SPTA1: variants seen among roughly 807,000 people sequenced by gnomAD.
SPTA1 encodes spectrin alpha, erythrocytic 1.
In SPTA1, 177 loss-of-function variants were observed where a neutral mutation model predicts 324.7. The ratio of observed to expected loss-of-function variants is 0.55; its 90% CI spans 0.48 to 0.62. The LOEUF is 0.62. Ranked by LOEUF, SPTA1 falls within the 20% of genes least tolerant of loss-of-function variation. The pLI is 0.00. For missense variants in SPTA1, 3,162 were observed against 2,883.6 expected, an observed-to-expected ratio of 1.10 and a Z score of -2.21; for synonymous variants, 1,195 against 1,041.3, an observed-to-expected ratio of 1.15 and a Z score of -2.84.
intron 8 of SPTA1, among the ~76,000 whole-genome samples, 188 bp from the exon 9 acceptor site, chr1:158,674,863 A>G (rs980977229): frequency 2.5e-4 from 38 of 151,958 alleles, no homozygotes; most frequent in African/African-American, 8.7e-4. Flanking sequence ...TAAGTCCTTC[A>G]CCCCAGGTTT....
In SPTA1 at chr1:158,666,483, C is replaced by T. The variant is rs1653612721; in HGVS notation, c.2053G>A (p.Glu685Lys). The part of the protein sequence containing the change: ...ATKQKGTQLH[E>K]ANQQLQFENN... ...TCAAATTGCAGCTGCTGGTTGGCCTCATGCAACTGGGTCCCTGGGAGAAGA... is the reference window on the plus strand; with the variant it reads ...TCAAATTGCAGCTGCTGGTTGGCCTTATGCAACTGGGTCCCTGGGAGAAGA... Residue 685 changes from glutamate to lysine, a missense_variant, in exon 16 of 52, where the codon GAG (glutamate) becomes AAG (lysine). By Grantham distance (56) the Glu-to-Lys change is moderately conservative. Transcript: ENST00000643759. 6.2e-7 allele frequency: 1 copy of T among 1,609,404 alleles called. No homozygotes were observed. The highest frequency in any genetic ancestry group is 1.3e-5 in the African/African-American group (1 of 75,004).
chr1:158,615,343 C>A lies in SPTA1; in HGVS notation c.6661G>T (p.Asp2221Tyr), dbSNP rs752150980. 3 of 1,614,092 alleles carry A rather than the reference C, an allele frequency of 1.9e-6. No homozygotes were observed. The highest frequency in any genetic ancestry group is 2.5e-6 in the Non-Finnish European group (3 of 1,180,016). ...RQLTKIVDLG[D>Y]NLEDALILDI... ...AGGATCAGAGCGTCTTCCAAGTTGT[C>A]CCCCAGGTCCACAATCTTGGTTAGT... Residue 2221 changes from aspartate to tyrosine, a missense_variant, in exon 48 of 52, where the codon GAC becomes TAC. By Grantham distance (160) the Asp-to-Tyr change is radical (BLOSUM62 -3). Coordinates refer to ENST00000643759, the MANE Select transcript of SPTA1 (RefSeq NM_003126.4).
intron 47 of SPTA1, among the ~76,000 whole-genome samples, chr1:158,615,857 C>T (rs973117521): frequency 1.3e-5 from 2 of 152,198 alleles, no homozygotes; most frequent in African/African-American, 4.8e-5. Flanking sequence ...AGCTCTCAGG[C>T]TCACTTAAGC....
chr1:158,649,982 G>A (rs1169549140), intron 24 of SPTA1, 35 bp from the exon 25 acceptor site: 3 of 1,459,720 alleles, frequency 2.1e-6, no homozygotes, highest in Admixed American at 1.7e-5. Context: ...TTGAGACAGA[G>A]AACTAACTCA....
At chr1:158,665,228 C>T (rs542992653) in intron 16 of SPTA1, among the ~76,000 whole-genome samples, 61 of 152,198 alleles carry the variant, frequency 4.0e-4, no homozygotes, top group African/African-American at 1.3e-3. Flanking sequence ...TATACCCTTC[C>T]ATCCTTTGAA....
chr1:158,650,473 A>G (rs1275181355), intron 24 of SPTA1, among the ~76,000 whole-genome samples: 1 of 152,186 alleles, frequency 6.6e-6, no homozygotes, highest in East Asian at 1.9e-4. Flanking sequence ...CTGAACATTT[A>G]TTAATGTTCA....
At position 158,612,985 on chromosome 1, in the gene SPTA1, C is replaced by T. The variant is rs1484780574; in HGVS notation, c.6990-24G>A. ...TCCTGTGGGAGAAATGGATCAGGAG[C>T]TGAGCCTTCTCAAGGCAGAGAAGGA... On this transcript the variant is annotated intron_variant, in intron 50 of 51. Transcript: ENST00000643759. 5 of 1,612,918 alleles carry T rather than the reference C, an allele frequency of 3.1e-6. No homozygotes were observed. The African/African-American group carries it at 6.7e-5, about 22-fold the overall frequency.
At chr1:158,652,756 A>G (rs2101863244) in intron 22 of SPTA1, 103 bp from the exon 23 acceptor site, 1 of 1,311,962 alleles carries the variant, frequency 7.6e-7, no homozygotes, top group Admixed American at 2.0e-5. Flanking sequence ...AATGAAAGGG[A>G]AAACAAATCA....
Position 158,618,026 on chromosome 1 carries a change from A to G in SPTA1, c.6548+13T>C, listed in dbSNP as rs1649682547. The G allele has an allele frequency of 1.2e-6, 2 of 1,610,812 alleles. No homozygotes were observed. Among genetic ancestry groups the G allele is most frequent in the Non-Finnish European group, 1.7e-6 (2 of 1,176,912 alleles). On this transcript the variant is annotated intron_variant, in intron 46 of 51. Coordinates refer to ENST00000643759, the MANE Select transcript of SPTA1 (RefSeq NM_003126.4). ...ATAATAAAGCAAACATGATGATAAC[A>G]TAAAATACTGACCCATCCAGAAAGT...
chr1:158,657,385 C>G, intron 19 of SPTA1, 92 bp downstream of exon 19: 1 of 1,308,352 alleles, frequency 7.6e-7, no homozygotes, highest in Non-Finnish European at 1.1e-6. Context: ...CTGGCAGAAT[C>G]TGTAGCTGTC....
At chr1:158,651,852 G>T (rs1652458403) in intron 23 of SPTA1, among the ~76,000 whole-genome samples, 1 of 150,976 alleles carries the variant, frequency 6.6e-6, no homozygotes, top group Non-Finnish European at 1.5e-5. Context: ...TATATTATGA[G>T]ATATTGTAAG....
At position 158,623,125 on chromosome 1, in the gene SPTA1, T is replaced by C. The variant is rs372816408; in HGVS notation, c.5978A>G (p.Asp1993Gly). The C allele has an allele frequency of 6.2e-7, 1 of 1,614,142 alleles. No homozygotes were observed. Among genetic ancestry groups the C allele is most frequent in the Non-Finnish European group, 8.5e-7 (1 of 1,180,018 alleles). Residue 1993 changes from aspartate to glycine, a missense_variant, in exon 43 of 52, where the codon GAC becomes GGC. Asp to Gly is a moderately conservative substitution (Grantham distance 94). Transcript: ENST00000643759. ...ERLPEITDLK[D>G]KLISAQHNQS... ...GTTGTGTTGAGCAGAAATCAGTTTG[T>C]CCTTCAGGTCAGTGATCTCGGGAAG...
intron 39 of SPTA1, among the ~76,000 whole-genome samples, chr1:158,629,205 CT>C (rs1650513304): frequency 6.6e-6 from 1 of 151,462 alleles, no homozygotes; most frequent in East Asian, 1.9e-4. Context: ...ATCTATCTAT[CT>C]ATCTATCTAT....
intron 18 of SPTA1, 22 bp downstream of exon 18, chr1:158,661,265 A>T (rs372288939): frequency 4.7e-5 from 76 of 1,613,684 alleles, no homozygotes; most frequent in Non-Finnish European, 5.6e-5. Flanking sequence ...GTTTTGTCCA[A>T]CTGAATCTCA....
At position 158,634,744 on chromosome 1, in the gene SPTA1, G is replaced by A; in HGVS notation, c.5433-69C>T. The A allele has an allele frequency of 1.3e-6, 2 of 1,586,056 alleles. 1 individual carries two copies. Among genetic ancestry groups the A allele is most frequent in the South Asian group, 2.2e-5 (2 of 90,118 alleles). On this transcript the variant is annotated intron_variant, in intron 38 of 51. Coordinates refer to ENST00000643759, the MANE Select transcript of SPTA1 (RefSeq NM_003126.4). ...GTAAGCAGTGGGAGTACAGTGGGGT[G>A]GCACAATCTCATTCAGGCAGACCAG...
rs1652513457 is a variant in SPTA1, at chr1:158,652,456, C to T, written c.3375+11G>A. 1.2e-6 allele frequency: 2 copies of T among 1,614,040 alleles called. No individual in the cohort carries two copies. Among genetic ancestry groups the T allele is most frequent in the Non-Finnish European group, 1.7e-6 (2 of 1,179,974 alleles). ...AATGGCAACCTTCAAGAGAAGGTTC[C>T]TCTTTCTCACCTTTTGGAACTCATC... On this transcript the variant is annotated intron_variant, in intron 23 of 51. Coordinates refer to ENST00000643759, the MANE Select transcript of SPTA1 (RefSeq NM_003126.4).
At chr1:158,678,619 T>C (rs189816134) in intron 5 of SPTA1, 85 bp from the exon 6 acceptor site, 3 of 1,484,954 alleles carry the variant, frequency 2.0e-6, no homozygotes, top group African/African-American at 2.8e-5. Flanking sequence ...TTTACATTAG[T>C]TCATACTTTT....
intron 20 of SPTA1, 104 bp downstream of exon 20, chr1:158,656,460 C>A: frequency 2.0e-6 from 2 of 1,019,978 alleles, no homozygotes; most frequent in Non-Finnish European, 3.1e-6. Context: ...GTTTTCTTTG[C>A]CATTGTTTTT....
intron 15 of SPTA1, among the ~76,000 whole-genome samples, chr1:158,667,081 T>C (rs1653658429): frequency 6.6e-6 from 1 of 152,178 alleles, no homozygotes; most frequent in African/African-American, 2.4e-5. Flanking sequence ...TTGCTGTGTC[T>C]CCTGATGGTG....
Sources: gnomAD v4.1 joint callset for allele counts (sites outside exome capture counted in the v4.1 genomes callset) on GRCh38, gnomAD v4.1.1 for gene constraint, MANE v1.5 for transcripts, NCBI Gene and HGNC (gene_info 2026-07-23, HGNC 2026-07-21) for gene names.